DNAJC1: variants seen among roughly 807,000 people sequenced by gnomAD.
DNAJC1 encodes DnaJ heat shock protein family (Hsp40) member C1, also known as dnaJ homolog subfamily C member 1.
A neutral mutation model predicts 76.6 loss-of-function variants in DNAJC1; 58 were observed. The observed-to-expected ratio is 0.76, with a 90% CI of 0.61 to 0.94. The LOEUF is 0.94. DNAJC1 is among the 40% of genes least tolerant of loss of function. The probability of loss-of-function intolerance (pLI) is 0.00; values close to 1 mark genes in which losing one functional copy is unlikely to be tolerated. For missense variants in DNAJC1, 689 were observed against 677.3 expected (o/e 1.02, Z -0.19); for synonymous variants, 258 against 267.9 (o/e 0.96, Z 0.36).
chr10:21,939,063 G>T (rs1471931153), intron 1 of DNAJC1, among the ~76,000 whole-genome samples: 2 of 152,052 alleles, frequency 1.3e-5, no homozygotes, highest in Non-Finnish European at 2.9e-5. Flanking sequence ...GCTAATTTTT[G>T]TATGTTTAGT....
intron 8 of DNAJC1, among the ~76,000 whole-genome samples, chr10:21,881,575 T>G (rs1033784031): frequency 3.9e-5 from 6 of 151,960 alleles, no homozygotes; most frequent in African/African-American, 1.5e-4. Flanking sequence ...GGATGATTGA[T>G]TAGTAGAGCA....
At chr10:21,807,082 T>G (rs1458136525) in intron 8 of DNAJC1, among the ~76,000 whole-genome samples, 1 of 152,062 alleles carries the variant, frequency 6.6e-6, no homozygotes, top group East Asian at 1.9e-4. Flanking sequence ...TAAACAATAC[T>G]CCAGTAGCCA....
In DNAJC1 at chr10:21,900,693, T is replaced by C. The variant is rs977648412; in HGVS notation, c.820+3829A>G. ...TGGAACAAGGGCTCCTATTAGATTT[T>C]AGGTTTTATAATATGAAATGGCATA... On this transcript the variant is annotated intron_variant, in intron 7 of 11. Transcript: ENST00000376980. Among the ~76,000 whole-genome samples, 17 of 152,186 alleles carry C rather than the reference T, an allele frequency of 1.1e-4. 1 individual carries two copies. Among genetic ancestry groups the C allele is most frequent in the African/African-American group, 4.1e-4 (17 of 41,434 alleles).
intron 2 of DNAJC1, among the ~76,000 whole-genome samples, 166 bp downstream of exon 2, chr10:21,928,874 A>G (rs1177893162): frequency 2.0e-5 from 3 of 152,176 alleles, no homozygotes; most frequent in Non-Finnish European, 2.9e-5. Context: ...CTAATACAAA[A>G]TAGTAAAAAT....
rs111241116 is a variant in DNAJC1, at chr10:21,871,560, C to G, written c.978+10722G>C. Reference sequence around the variant, plus strand: ...ACTCACTAAAAACAAACAACTACAACAAGCCCAATACTACAAATCCTTTAA... The same window carrying G: ...ACTCACTAAAAACAAACAACTACAAGAAGCCCAATACTACAAATCCTTTAA... On this transcript the variant is annotated intron_variant, in intron 8 of 11. Coordinates refer to ENST00000376980, the MANE Select transcript of DNAJC1 (RefSeq NM_022365.4). Among the ~76,000 whole-genome samples, 3 of 152,150 alleles carry G rather than the reference C, an allele frequency of 2.0e-5. No homozygotes were observed. The East Asian group carries it at 5.8e-4, about 29-fold the overall frequency.
chr10:21,908,615 G>C (rs780153391), intron 6 of DNAJC1, among the ~76,000 whole-genome samples: 2 of 151,730 alleles, frequency 1.3e-5, no homozygotes, highest in Non-Finnish European at 2.9e-5. Context: ...AGATTTCCTG[G>C]GGATATAAAC....
intron 1 of DNAJC1, among the ~76,000 whole-genome samples, chr10:21,962,137 G>T (rs1020946674): frequency 2.6e-5 from 4 of 152,048 alleles, no homozygotes; most frequent in African/African-American, 4.8e-5. Flanking sequence ...CCATAGAATT[G>T]TAACTAGTAC....
chr10:21,871,743 G>A (rs1310780585), intron 8 of DNAJC1, among the ~76,000 whole-genome samples: 2 of 151,830 alleles, frequency 1.3e-5, no homozygotes, highest in African/African-American at 4.9e-5. Context: ...TGCCTCCCGG[G>A]TTCAGACGCT....
intron 8 of DNAJC1, among the ~76,000 whole-genome samples, chr10:21,814,664 T>C (rs547719783): frequency 6.6e-6 from 1 of 152,288 alleles, no homozygotes; most frequent in East Asian, 1.9e-4. Flanking sequence ...AAGTGGGTCC[T>C]GGGTGCTTTC....
At chr10:21,985,528 C>T (rs548009398) in intron 1 of DNAJC1, among the ~76,000 whole-genome samples, 3 of 152,224 alleles carry the variant, frequency 2.0e-5, no homozygotes, top group South Asian at 4.1e-4. Flanking sequence ...GGATTACAGG[C>T]GTGTGCCACC....
chr10:21,893,535 G>C (rs1272581178), intron 7 of DNAJC1, among the ~76,000 whole-genome samples: 4 of 151,948 alleles, frequency 2.6e-5, no homozygotes, highest in African/African-American at 7.3e-5. Context: ...GCTGAGGTGA[G>C]AGAATTGCTT....
chr10:21,967,092 T>C (rs1327107922), intron 1 of DNAJC1, among the ~76,000 whole-genome samples: 1 of 151,822 alleles, frequency 6.6e-6, no homozygotes, highest in Non-Finnish European at 1.5e-5. Flanking sequence ...AATTCACCTA[T>C]TTTAAGTGTA....
chr10:21,969,635 G>A (rs1051832457), intron 1 of DNAJC1, among the ~76,000 whole-genome samples: 3 of 152,098 alleles, frequency 2.0e-5, no homozygotes, highest in Non-Finnish European at 4.4e-5. Context: ...TAGTAATTCC[G>A]ATAGGGTTAT....
Position 22,003,422 on chromosome 10 carries a change from A to G in DNAJC1, c.13T>C (p.Cys5Arg), listed in dbSNP as rs369744170. 1.8e-5 allele frequency: 25 copies of G among 1,366,994 alleles called. No homozygotes were observed. In the South Asian group the frequency reaches 1.9e-4, roughly 10 times the overall value. The allele number at this position is 1,366,994 out of a possible 1,614,324, so 84.7% of individuals were successfully genotyped here. Residue 5 changes from cysteine (C) to arginine (R), a missense_variant, in exon 1 of 12, where the codon TGC becomes CGC. Cys to Arg is a radical substitution (Grantham distance 180). Transcript: ENST00000376980. ...CCAGGAAGCTGCGCCGGCTGGGAGC[A>G]AGGAGCCGTCATCGCGCTGGGCTCG... is the stretch of plus-strand genomic sequence containing the variant. Reference protein sequence around the residue: MTAPCSQPAQLPGRR... With the variant: MTAPRSQPAQLPGRR...
At chr10:21,761,477 T>C (rs1834239950) in intron 10 of DNAJC1, among the ~76,000 whole-genome samples, 1 of 150,166 alleles carries the variant, frequency 6.7e-6, no homozygotes, top group African/African-American at 2.5e-5. Flanking sequence ...GAGAATCGCT[T>C]GAACCTGGGA....
intron 9 of DNAJC1, among the ~76,000 whole-genome samples, chr10:21,792,316 A>G (rs1206308847): frequency 6.6e-6 from 1 of 152,234 alleles, no homozygotes; most frequent in Non-Finnish European, 1.5e-5. Flanking sequence ...AATTGTTCAC[A>G]AACTTTCAGA....
chr10:21,779,801 T>TA (rs1266698727), intron 9 of DNAJC1, among the ~76,000 whole-genome samples: 1 of 152,076 alleles, frequency 6.6e-6, no homozygotes, highest in Non-Finnish European at 1.5e-5. Context: ...TTCTCCAAGC[T>TA]AAAGGAGGAT....
intron 1 of DNAJC1, 51 bp downstream of exon 1, chr10:22,003,162 G>A (rs373379031): frequency 1.3e-4 from 183 of 1,426,872 alleles, no homozygotes; most frequent in Non-Finnish European, 1.6e-4. Context: ...CGGGTCGCCT[G>A]ACGCCTGCCC....
chr10:21,994,731 C>A (rs1014311000), intron 1 of DNAJC1, among the ~76,000 whole-genome samples: 3 of 151,982 alleles, frequency 2.0e-5, no homozygotes, highest in Admixed American at 2.0e-4. Context: ...GCAGAGCTTG[C>A]AGTAAGCCGA....
Sources: allele counts gnomAD v4.1 joint callset (sites outside exome capture counted in the v4.1 genomes callset), GRCh38; gene constraint gnomAD v4.1.1; transcripts MANE v1.5; gene names NCBI Gene and HGNC (gene_info 2026-07-23, HGNC 2026-07-21).